PECR: variants seen among roughly 807,000 people sequenced by gnomAD.
The protein encoded by PECR is peroxisomal trans-2-enoyl-CoA reductase, also known as 2,4-dienoyl-CoA reductase-related protein.
In PECR, 30 loss-of-function variants were observed where a neutral mutation model predicts 35.3. That is an observed-to-expected ratio of 0.85 (90% CI 0.64 to 1.15). The LOEUF is 1.15. Ranked by LOEUF, PECR falls within the 50% of genes most tolerant of loss-of-function variation. The pLI, the probability that PECR is intolerant of heterozygous loss-of-function variation, is 0.00. For synonymous variants in PECR, 148 were observed against 138.9 expected (o/e 1.07, Z -0.46); for missense variants, 392 against 370.8 (o/e 1.06, Z -0.47).
rs781098611 is a variant in PECR at position 216,058,985 on chromosome 2, T to C, written c.425-9A>G. On this transcript the variant is annotated splice_polypyrimidine_tract_variant and intron_variant, in intron 3 of 7. Coordinates refer to ENST00000265322, the MANE Select transcript of PECR (RefSeq NM_018441.6). ...CATCCAGGAGCTGTAAACTGCAGGATAGAGGCAAACTCAATCATTAAATTT... is the reference window on the plus strand; with the variant it reads ...CATCCAGGAGCTGTAAACTGCAGGACAGAGGCAAACTCAATCATTAAATTT... 3.8e-6 allele frequency: 6 copies of C among 1,563,812 alleles called. No individual in the cohort carries two copies. Among genetic ancestry groups the C allele is most frequent in the South Asian group, 3.3e-5 (3 of 89,672 alleles).
At chr2:216,051,583 T>A in intron 4 of PECR, 38 bp from the exon 5 acceptor site, 1 of 1,217,890 alleles carries the variant, frequency 8.2e-7, no homozygotes, top group Non-Finnish European at 1.2e-6. Flanking sequence ...AATCAGCTTC[T>A]GTTGAATATT....
chr2:216,031,487 AAGAAAG>A (rs1202355854), intron 7 of PECR, among the ~76,000 whole-genome samples: 5 of 131,086 alleles, frequency 3.8e-5, no homozygotes, highest in African/African-American at 1.2e-4. Flanking sequence ...GAAAGAAAGA[AAGAAAG>A]AGAAAGAAAG....
intron 1 of PECR, among the ~76,000 whole-genome samples, chr2:216,077,927 G>A (rs150251448): frequency 0.018 from 2,713 of 150,160 alleles, 94 homozygotes; most frequent in African/African-American, 0.064. Context: ...AATTGTCTTC[G>A]TCTTTTAAAT....
chr2:216,040,019 G>T (rs762107667), intron 7 of PECR, among the ~76,000 whole-genome samples: 1 of 152,204 alleles, frequency 6.6e-6, no homozygotes, highest in Non-Finnish European at 1.5e-5. Context: ...GAACACAGAA[G>T]TATCAGCCTT....
Position 216,059,852 on chromosome 2 carries a change from T to A in PECR, c.425-876A>T, listed in dbSNP as rs1695299966. ...ATCAAGAAGCATTAAGTCCTCCAAC[T>A]TTCTTCTTTTGCAAAATTGTTTTGG... On this transcript the variant is annotated intron_variant, in intron 3 of 7. Transcript: ENST00000265322. Among the ~76,000 whole-genome samples, 4 of 152,242 alleles carry A rather than the reference T, an allele frequency of 2.6e-5. No homozygotes were observed. The South Asian group carries it at 8.3e-4, about 31-fold the overall frequency.
At chr2:216,067,857 A>AT (rs1419977661) in intron 1 of PECR, among the ~76,000 whole-genome samples, 3 of 152,192 alleles carry the variant, frequency 2.0e-5, no homozygotes, top group African/African-American at 7.2e-5. Context: ...AGTATATGGC[A>AT]TCCAACAAAA....
chr2:216,061,553 G>GT (rs1695352470), intron 3 of PECR, among the ~76,000 whole-genome samples: 1 of 152,040 alleles, frequency 6.6e-6, no homozygotes, highest in Non-Finnish European at 1.5e-5. Context: ...GTGTAATGCA[G>GT]TAAGAAGTAT....
downstream of PECR, among the ~76,000 whole-genome samples, chr2:216,035,398 A>G (rs1224711291): frequency 6.6e-6 from 1 of 151,942 alleles, no homozygotes; most frequent in Non-Finnish European, 1.5e-5. Flanking sequence ...GCAGAGCACC[A>G]CAGTGACTTC....
chr2:216,062,344 C>T (rs1170523832), intron 3 of PECR, among the ~76,000 whole-genome samples: 2 of 152,138 alleles, frequency 1.3e-5, no homozygotes, highest in African/African-American at 4.8e-5. Context: ...TCACGCCTGG[C>T]AATGCTTCAT....
chr2:216,037,101 T>C (rs1694806365), downstream of PECR, among the ~76,000 whole-genome samples: 2 of 152,216 alleles, frequency 1.3e-5, no homozygotes, highest in East Asian at 1.9e-4. Flanking sequence ...GCTAAATACA[T>C]AGTAGGTGCT....
chr2:216,070,129 C>T (rs937269414), intron 1 of PECR, among the ~76,000 whole-genome samples: 1 of 152,076 alleles, frequency 6.6e-6, no homozygotes, highest in Non-Finnish European at 1.5e-5. Flanking sequence ...ACACACTTCA[C>T]ATGAAAATAA....
At chr2:216,036,989 C>G (rs948495218), downstream of PECR, among the ~76,000 whole-genome samples, 1 of 152,126 alleles carries the variant, frequency 6.6e-6, no homozygotes, top group African/African-American at 2.4e-5. Context: ...TTATAGCACT[C>G]GTGTTCTCTC....
At chr2:216,048,798 G>A (rs902367649) in intron 6 of PECR, among the ~76,000 whole-genome samples, 3 of 142,556 alleles carry the variant, frequency 2.1e-5, no homozygotes, top group East Asian at 2.1e-4. Context: ...AGCTATGATC[G>A]TGACACTATA....
intron 1 of PECR, among the ~76,000 whole-genome samples, chr2:216,077,172 A>T (rs976320791): frequency 6.7e-6 from 1 of 148,668 alleles, no homozygotes; most frequent in Non-Finnish European, 1.5e-5. Flanking sequence ...TGCTGGGATT[A>T]CAGGCATGAG....
At chr2:216,043,086 TAC>T (rs1694926170) in intron 7 of PECR, among the ~76,000 whole-genome samples, 1 of 130,328 alleles carries the variant, frequency 7.7e-6, no homozygotes, top group South Asian at 2.3e-4. Context: ...TATATACACA[TAC>T]ATATATATGT....
Position 216,081,803 on chromosome 2 carries a change from G to C in PECR, c.-62C>G. Reference sequence around the variant, plus strand: ...CCTTCTGGGTCTCAGGGACATTCGAGGCGGGCGGGCGGACAGGGCGGTGCT... The same window carrying C: ...CCTTCTGGGTCTCAGGGACATTCGACGCGGGCGGGCGGACAGGGCGGTGCT... On this transcript the variant is annotated 5_prime_UTR_variant, in exon 1 of 8. Coordinates refer to ENST00000265322, the MANE Select transcript of PECR (RefSeq NM_018441.6). The C allele has an allele frequency of 6.3e-7, 1 of 1,578,034 alleles. No homozygotes were observed. Among genetic ancestry groups the C allele is most frequent in the Non-Finnish European group, 8.6e-7 (1 of 1,164,640 alleles).
At chr2:216,053,443 A>C (rs1429061402) in intron 4 of PECR, among the ~76,000 whole-genome samples, 1 of 151,458 alleles carries the variant, frequency 6.6e-6, no homozygotes, top group African/African-American at 2.4e-5. Flanking sequence ...CGGGGGTTTC[A>C]CCGTGTTAGC....
At chr2:216,045,176 C>A (rs1694967352) in intron 6 of PECR, among the ~76,000 whole-genome samples, 1 of 152,208 alleles carries the variant, frequency 6.6e-6, no homozygotes, top group Non-Finnish European at 1.5e-5. Context: ...CAGTCCTGGT[C>A]CTATATTCAC....
chr2:216,043,427 C>T (rs1261569166), intron 7 of PECR, among the ~76,000 whole-genome samples: 1 of 152,004 alleles, frequency 6.6e-6, no homozygotes, highest in Non-Finnish European at 1.5e-5. Flanking sequence ...TGTTTTTGTA[C>T]ATCAAAAATG....
Sources: allele counts gnomAD v4.1 joint callset (sites outside exome capture counted in the v4.1 genomes callset), GRCh38; gene constraint gnomAD v4.1.1; transcripts MANE v1.5; gene names NCBI Gene and HGNC (gene_info 2026-07-23, HGNC 2026-07-21).